The following ZDHHC11 variants were observed in gnomAD, a reference collection of about 807,000 sequenced individuals.
ZDHHC11 encodes zDHHC palmitoyltransferase 11.
In ZDHHC11, 44 loss-of-function variants were observed where a neutral mutation model predicts 51.3. The ratio of observed to expected loss-of-function variants is 0.86; its 90% confidence interval spans 0.67 to 1.10. The LOEUF is 1.10. ZDHHC11 is among the 50% of genes least tolerant of loss of function. ZDHHC11 has a pLI of 0.00. For missense variants in ZDHHC11, 400 were observed against 537.7 expected (o/e 0.74, Z 2.53); for synonymous variants, 163 against 222.0 (o/e 0.73, Z 2.36).
At chr5:830,352 CGAATCAAAT>C (rs1246271970) in intron 7 of ZDHHC11, among the ~76,000 whole-genome samples, 2 of 10,734 alleles carry the variant, frequency 1.9e-4, no homozygotes, top group Non-Finnish European at 4.1e-4. Context: ...GACCAAGCTG[CGAATCAAAT>C]GAATAAGTCA....
chr5:840,785 G>C lies in ZDHHC11; in HGVS notation c.629-135C>G, dbSNP rs1453138270. 2.0e-6 allele frequency: 3 copies of C among 1,537,820 alleles called. No individual in the cohort carries two copies. In the South Asian group the frequency reaches 3.7e-5, roughly 19 times the overall value. On this transcript the variant is annotated intron_variant, in intron 4 of 12. Transcript: ENST00000283441. ...AGTGCGAGGGATGTCTCCCTGCCCA[G>C]GTGGACGCCTCCCTTACCTGAGTGC... is the stretch of plus-strand genomic sequence containing the variant.
chr5:830,293 A>T (rs1742900127), intron 7 of ZDHHC11, among the ~76,000 whole-genome samples: 2 of 35,200 alleles, frequency 5.7e-5, no homozygotes, highest in Non-Finnish European at 1.3e-4. Flanking sequence ...AAGTTTCAGG[A>T]TACAAAATCA....
Position 850,722 on chromosome 5 carries a change from A to C in ZDHHC11, c.-120T>G. On this transcript the variant is annotated 5_prime_UTR_variant, in exon 1 of 13. Coordinates refer to ENST00000283441, the MANE Select transcript of ZDHHC11 (RefSeq NM_024786.3). ...CCGCCAGGACCAGCACTGACAGCCA[A>C]TGGCCCAGCACTGCCTGGGGCCACG... The C allele has an allele frequency of 4.0e-6, 5 of 1,251,880 alleles. No homozygotes were observed. The highest frequency in any genetic ancestry group is 5.6e-6 in the Non-Finnish European group (5 of 898,452). The allele number at this position is 1,251,880 out of a possible 1,614,324, so 77.5% of individuals were successfully genotyped here. A position where few individuals can be genotyped will look rare whatever the true frequency, so the allele number is the denominator to read the frequency against.
At chr5:801,837 G>C (rs1455508015) in intron 11 of ZDHHC11, among the ~76,000 whole-genome samples, 1 of 151,318 alleles carries the variant, frequency 6.6e-6, no homozygotes, top group Non-Finnish European at 1.5e-5. Flanking sequence ...ATAGTCACTA[G>C]GAGACTTCTA....
At chr5:804,155 T>C (rs1270556404) in intron 11 of ZDHHC11, among the ~76,000 whole-genome samples, 1 of 151,274 alleles carries the variant, frequency 6.6e-6, no homozygotes, top group East Asian at 1.9e-4. Flanking sequence ...AGTCCAATAA[T>C]ATTAAATGGA....
intron 7 of ZDHHC11, among the ~76,000 whole-genome samples, chr5:828,188 TC>T (rs1195701095): frequency 2.6e-5 from 4 of 151,364 alleles, no homozygotes; most frequent in African/African-American, 9.7e-5. Flanking sequence ...TCCCCACCTT[TC>T]CCCCTTTTCT....
intron 10 of ZDHHC11, among the ~76,000 whole-genome samples, chr5:819,271 T>G (rs1395037254): frequency 6.6e-6 from 1 of 151,582 alleles, no homozygotes; most frequent in Admixed American, 6.6e-5. Context: ...CGCAGCCTGA[T>G]GGTGGCACTG....
chr5:850,325 C>G (rs536543909), intron 1 of ZDHHC11, 56 bp downstream of exon 1: 1 of 1,569,240 alleles, frequency 6.4e-7, no homozygotes, highest in East Asian at 2.3e-5. Flanking sequence ...CCAGGTCCAT[C>G]GCAAGTTCCT....
At position 827,354 on chromosome 5, in the gene ZDHHC11, T is replaced by A. The variant is rs980608444; in HGVS notation, c.936-2103A>T. Among the ~76,000 whole-genome samples the A allele has an allele frequency of 3.3e-5, 5 of 150,692 alleles. 1 individual carries two copies. Among genetic ancestry groups the A allele is most frequent in the Admixed American group, 1.3e-4 (2 of 15,154 alleles). ...CAAGGTATTCAGGCAACAACTAGCATGATCAATAAAACAGTACCTCACATC... is the reference window on the plus strand; with the variant it reads ...CAAGGTATTCAGGCAACAACTAGCAAGATCAATAAAACAGTACCTCACATC... On this transcript the variant is annotated intron_variant, in intron 7 of 12. Transcript: ENST00000283441.
chr5:851,411 G>T (rs557030880), upstream of ZDHHC11, among the ~76,000 whole-genome samples: 2 of 152,098 alleles, frequency 1.3e-5, no homozygotes, highest in Admixed American at 6.5e-5. Flanking sequence ...GCTACGGGGT[G>T]GGGGGTTGAT....
chr5:846,551 T>C (rs1397801970), intron 3 of ZDHHC11, among the ~76,000 whole-genome samples: 2 of 146,986 alleles, frequency 1.4e-5, no homozygotes, highest in African/African-American at 5.2e-5. Context: ...ACGTCTCATC[T>C]GTGAGTCTCC....
At chr5:800,490 G>A (rs1738259578) in intron 12 of ZDHHC11, among the ~76,000 whole-genome samples, 1 of 151,092 alleles carries the variant, frequency 6.6e-6, no homozygotes, top group African/African-American at 2.4e-5. Flanking sequence ...GTAGTGGAGG[G>A]AGAGCATGCC....
intron 1 of ZDHHC11, among the ~76,000 whole-genome samples, chr5:858,259 C>T (rs537580839): frequency 2.6e-5 from 4 of 150,944 alleles, no homozygotes; most frequent in African/African-American, 9.8e-5. Flanking sequence ...GTCCTGGTCC[C>T]CATCCTGTCT....
chr5:817,504 A>G (rs1459359573), intron 10 of ZDHHC11, among the ~76,000 whole-genome samples: 3 of 151,518 alleles, frequency 2.0e-5, no homozygotes, highest in African/African-American at 4.8e-5. Context: ...GAAAAAACAT[A>G]GCTTTTTAAT....
At position 811,639 on chromosome 5, in the gene ZDHHC11, T is replaced by C. The variant is rs535421221; in HGVS notation, c.1181+3122A>G. On this transcript the variant is annotated intron_variant, in intron 11 of 12. Coordinates refer to ENST00000283441, the MANE Select transcript of ZDHHC11 (RefSeq NM_024786.3). The stretch of plus-strand genomic sequence containing the variant: ...CTGGGGAAGACTGACTTCTGGGTCC[T>C]TATTGTGGCTCCCAGCGGAGTTGGG... Among the ~76,000 whole-genome samples, 12 of 148,934 alleles carry C rather than the reference T, an allele frequency of 8.1e-5. No individual in the cohort carries two copies. In the East Asian group the frequency reaches 2.3e-3, roughly 29 times the overall value.
chr5:807,949 T>C (rs866942935), intron 11 of ZDHHC11, among the ~76,000 whole-genome samples: 55 of 151,160 alleles, frequency 3.6e-4, no homozygotes, highest in African/African-American at 1.3e-3. Flanking sequence ...CAGACGCAGG[T>C]CCTGGACTGA....
intron 8 of ZDHHC11, chr5:823,924 G>A (rs929415667): frequency 2.6e-5 from 10 of 390,432 alleles, no homozygotes; most frequent in Non-Finnish European, 4.2e-5. Flanking sequence ...TGGGCTGGGG[G>A]CTCAATCGAT....
At chr5:823,230 TA>T (rs1741794241) in intron 8 of ZDHHC11, among the ~76,000 whole-genome samples, 1 of 151,002 alleles carries the variant, frequency 6.6e-6, no homozygotes, top group South Asian at 2.1e-4. Context: ...AGGATTTTTG[TA>T]GGAATGTTAA....
At chr5:820,013 C>T (rs1275223817) in intron 9 of ZDHHC11, among the ~76,000 whole-genome samples, 1 of 151,302 alleles carries the variant, frequency 6.6e-6, no homozygotes, top group African/African-American at 2.4e-5. Context: ...GTCAGGTGAC[C>T]TTCATTTTTA....
Sources: allele counts gnomAD v4.1 joint callset (sites outside exome capture counted in the v4.1 genomes callset), GRCh38; gene constraint gnomAD v4.1.1; transcripts MANE v1.5; gene names NCBI Gene and HGNC (gene_info 2026-07-23, HGNC 2026-07-21).